COL21A1: variants seen among roughly 807,000 people sequenced by gnomAD.
COL21A1 encodes collagen type XXI alpha 1 chain, also known as collagen alpha-1(XXI) chain.
In COL21A1, 149 loss-of-function variants were observed where a neutral mutation model predicts 137.9. The ratio of observed to expected loss-of-function variants is 1.08; its 90% CI spans 0.95 to 1.24. COL21A1 has a LOEUF of 1.24. Among genes scored for constraint, COL21A1 ranks in the 50% most tolerant of loss-of-function variants. The pLI, the probability that COL21A1 is intolerant of heterozygous loss-of-function variation, is 0.00. For missense variants in COL21A1, 1,167 were observed against 1,158.4 expected, an observed-to-expected ratio of 1.01 and a Z score of -0.11; for synonymous variants, 456 against 391.5, an observed-to-expected ratio of 1.16 and a Z score of -1.95.
At chr6:56,357,788 T>A (rs930932331) in intron 1 of COL21A1, among the ~76,000 whole-genome samples, 1 of 152,192 alleles carries the variant, frequency 6.6e-6, no homozygotes, top group Non-Finnish European at 1.5e-5. Context: ...CAAGAATGCT[T>A]CACGGCATGC....
chr6:56,277,346 C>G (rs541882982), intron 1 of COL21A1, among the ~76,000 whole-genome samples: 1 of 152,236 alleles, frequency 6.6e-6, no homozygotes, highest in African/African-American at 2.4e-5. Flanking sequence ...TTCCTGTGTC[C>G]AGGTTTTCTC....
At chr6:56,100,602 T>G (rs1770368256) in intron 17 of COL21A1, among the ~76,000 whole-genome samples, 1 of 152,142 alleles carries the variant, frequency 6.6e-6, no homozygotes, top group Non-Finnish European at 1.5e-5. Flanking sequence ...TGGTAATTAT[T>G]TGCATCATTT....
At chr6:56,345,165 C>T (rs1765567499) in intron 1 of COL21A1, among the ~76,000 whole-genome samples, 1 of 152,034 alleles carries the variant, frequency 6.6e-6, no homozygotes, top group African/African-American at 2.4e-5. Flanking sequence ...GGTTATAATC[C>T]TTATCTTACC....
intron 1 of COL21A1, among the ~76,000 whole-genome samples, chr6:56,270,382 C>T (rs1213540726): frequency 6.6e-6 from 1 of 152,204 alleles, no homozygotes; most frequent in Non-Finnish European, 1.5e-5. Flanking sequence ...TGTAAATATA[C>T]ATGCACCTGA....
intron 1 of COL21A1, among the ~76,000 whole-genome samples, chr6:56,231,991 T>C (rs1475428699): frequency 6.6e-6 from 1 of 151,882 alleles, no homozygotes; most frequent in East Asian, 1.9e-4. Flanking sequence ...CTTAAACTAT[T>C]TGACATTGTT....
chr6:56,357,441 TG>T (rs1765860475), intron 1 of COL21A1, among the ~76,000 whole-genome samples: 1 of 152,074 alleles, frequency 6.6e-6, no homozygotes, highest in Non-Finnish European at 1.5e-5. Flanking sequence ...CAACTTCCAG[TG>T]GAGGTGAAAG....
At chr6:56,298,912 AG>A (rs1261916771) in intron 1 of COL21A1, among the ~76,000 whole-genome samples, 2 of 152,182 alleles carry the variant, frequency 1.3e-5, no homozygotes, top group Non-Finnish European at 2.9e-5. Flanking sequence ...GGACCTTAAA[AG>A]TCATATAACT....
rs540940045 is a variant in COL21A1, at chr6:56,377,878, G to A, written c.-39+16093C>T. ...GACTTTGTCTTGCATCCTGGATACC[G>A]CCAGCCACAGCAGGATAGGGCACTG... On this transcript the variant is annotated intron_variant, in intron 1 of 28. Coordinates refer to the COL21A1 transcript ENST00000370819. Among the ~76,000 whole-genome samples, 197 of 152,132 alleles carry A rather than the reference G, an allele frequency of 1.3e-3. 1 individual carries two copies. Among genetic ancestry groups the A allele is most frequent in the Non-Finnish European group, 2.1e-3 (140 of 67,996 alleles).
intron 1 of COL21A1, among the ~76,000 whole-genome samples, chr6:56,357,513 T>C (rs1470418187): frequency 3.3e-5 from 5 of 152,226 alleles, no homozygotes; most frequent in African/African-American, 1.2e-4. Flanking sequence ...GGGCTCTGAT[T>C]GTGATTTCTG....
chr6:56,392,684 C>A (rs1175124322), intron 1 of COL21A1, among the ~76,000 whole-genome samples: 8 of 152,078 alleles, frequency 5.3e-5, no homozygotes, highest in Non-Finnish European at 1.2e-4. Context: ...CAAAACTCAG[C>A]AGCACTTCTA....
rs1765638935 is a variant in COL21A1, at chr6:56,348,322, G to A, written c.-39+45649C>T. ...GATTTTCAGTGAAGTGAAAATTCCA[G>A]GATATGTGGGGACCAACTCAGGGCA... is the stretch of plus-strand genomic sequence containing the variant. On this transcript the variant is annotated intron_variant, in intron 1 of 28. Transcript: ENST00000370819. 2.0e-5 allele frequency among the ~76,000 whole-genome samples: 3 copies of A among 152,116 alleles called. No homozygotes were observed. The South Asian group carries it at 6.2e-4, about 32-fold the overall frequency.
chr6:56,179,842 A>G lies in COL21A1; in HGVS notation c.376T>C (p.Tyr126His), dbSNP rs1179980381. The change falls in exon 3 of 30, where the codon TAC becomes CAC. Residue 126 changes from tyrosine (Y) to histidine (H), a missense_variant. By Grantham distance (83) the Tyr-to-His change is moderately conservative. Coordinates refer to ENST00000244728, the MANE Select transcript of COL21A1 (RefSeq NM_030820.4). ...TGKAIQFALD[Y>H]LFAKSSRFLT... is the part of the protein sequence containing the mutation. Reference sequence around the variant, plus strand: ...AATCGTGAGGACTTGGCAAAAAGGTAATCGAGCGCAAACTGGATGGCCTTC... The same window carrying G: ...AATCGTGAGGACTTGGCAAAAAGGTGATCGAGCGCAAACTGGATGGCCTTC... The G allele has an allele frequency of 1.2e-6, 2 of 1,613,956 alleles. No individual in the cohort carries two copies. Among genetic ancestry groups the G allele is most frequent in the African/African-American group, 1.3e-5 (1 of 75,034 alleles).
intron 7 of COL21A1, among the ~76,000 whole-genome samples, chr6:56,166,580 C>G (rs1270410203): frequency 2.0e-5 from 3 of 152,004 alleles, no homozygotes; most frequent in African/African-American, 7.2e-5. Context: ...TGAACCCAGA[C>G]GCGGAGGTTG....
intron 1 of COL21A1, among the ~76,000 whole-genome samples, chr6:56,377,449 T>C (rs539561513): frequency 1.8e-4 from 27 of 152,118 alleles, no homozygotes; most frequent in African/African-American, 6.0e-4. Context: ...TCATGACCCA[T>C]TGAACTCAGT....
At chr6:56,241,088 T>A (rs973496892) in intron 1 of COL21A1, among the ~76,000 whole-genome samples, 3 of 152,126 alleles carry the variant, frequency 2.0e-5, no homozygotes, top group Non-Finnish European at 2.9e-5. Flanking sequence ...AAAACAATTA[T>A]CATGTTGCTA....
intron 1 of COL21A1, among the ~76,000 whole-genome samples, chr6:56,246,225 G>A (rs1782633122): frequency 1.3e-5 from 2 of 152,224 alleles, no homozygotes; most frequent in Admixed American, 6.5e-5. Flanking sequence ...GACAAAATAC[G>A]CATATGAATG....
chr6:56,297,910 C>G (rs11757528), intron 1 of COL21A1, among the ~76,000 whole-genome samples: 68,144 of 151,656 alleles, frequency 0.45, 17,248 homozygotes, highest in East Asian at 0.77. Flanking sequence ...GGCCTCAATT[C>G]TGCACTGTTC....
At chr6:56,101,702 TAA>T (rs1443573705) in intron 16 of COL21A1, among the ~76,000 whole-genome samples, 177 bp from the exon 17 acceptor site, 1 of 152,174 alleles carries the variant, frequency 6.6e-6, no homozygotes, top group Non-Finnish European at 1.5e-5. Flanking sequence ...CAGAAATTCA[TAA>T]AGTGACTATA....
chr6:56,105,320 T>G lies in COL21A1; in HGVS notation c.1759-3795A>C, dbSNP rs965873666. On this transcript the variant is annotated intron_variant, in intron 16 of 29. Transcript: ENST00000244728. ...AAATAAGAGCCTTTGTGAAAATGCC[T>G]TATGCAACTCTTGGCACAGAAAGGG... Among the ~76,000 whole-genome samples the G allele has an allele frequency of 3.9e-5, 6 of 152,206 alleles. No individual in the cohort carries two copies. The East Asian group carries it at 5.8e-4, about 15-fold the overall frequency.
Sources: gnomAD v4.1 joint callset for allele counts (sites outside exome capture counted in the v4.1 genomes callset) on GRCh38, gnomAD v4.1.1 for gene constraint, MANE v1.5 for transcripts, NCBI Gene and HGNC (gene_info 2026-07-23, HGNC 2026-07-21) for gene names.